TMEM9: variants seen among roughly 807,000 people sequenced by gnomAD.
TMEM9 encodes transmembrane protein 9, also known as proton-transporting V-type ATPase complex assembly regulator TMEM9.
TMEM9 carries 13 observed loss-of-function variants against 22.8 expected under a neutral mutation model. The observed-to-expected ratio is 0.57, with a 90% CI of 0.37 to 0.91. TMEM9 has a LOEUF of 0.91. Ranked by LOEUF, TMEM9 falls within the 40% of genes least tolerant of loss-of-function variation. The pLI, the probability that TMEM9 is intolerant of heterozygous loss-of-function variation, is 0.01. For missense variants in TMEM9, 182 were observed against 238.1 expected (o/e 0.76, Z 1.55); for synonymous variants, 88 against 93.0 (o/e 0.95, Z 0.31).
At chr1:201,145,604 T>A (rs1186895501) in intron 3 of TMEM9, 2 of 152,180 alleles carry the variant, frequency 1.3e-5, no homozygotes, top group South Asian at 2.1e-4. Context: ...TGAGAATTAT[T>A]TTCCAATGCT....
At chr1:201,149,551 C>T (rs753869894) in intron 2 of TMEM9, among the ~76,000 whole-genome samples, 1 of 152,104 alleles carries the variant, frequency 6.6e-6, no homozygotes, top group Admixed American at 6.5e-5. Context: ...GGGGTTTTTG[C>T]CTTTTTATGC....
chr1:201,155,831 T>C (rs1019811993), upstream of TMEM9, among the ~76,000 whole-genome samples: 4 of 152,088 alleles, frequency 2.6e-5, no homozygotes, highest in Non-Finnish European at 4.4e-5. Context: ...TTCAAGGTGG[T>C]TGTAGGGATA....
At chr1:201,165,150 T>TTACATATATATATATA (rs1666040406) in intron 1 of TMEM9, among the ~76,000 whole-genome samples, 3 of 87,076 alleles carry the variant, frequency 3.4e-5, no homozygotes, top group African/African-American at 1.1e-4. Context: ...TAAGAGAAAA[T>TTACATATATATATATA]TATATATATA....
chr1:201,154,864 C>G (rs1352396529), upstream of TMEM9, among the ~76,000 whole-genome samples: 5 of 152,150 alleles, frequency 3.3e-5, no homozygotes, highest in Non-Finnish European at 7.3e-5. Context: ...TAGGGATCCA[C>G]GTCTTTGCTG....
chr1:201,137,148 G>A (rs1310736160), intron 4 of TMEM9, among the ~76,000 whole-genome samples: 1 of 152,250 alleles, frequency 6.6e-6, no homozygotes, highest in African/African-American at 2.4e-5. Context: ...GCTAGGTGAG[G>A]CTCAGGCAAC....
At chr1:201,161,253 C>G (rs765054743) in intron 1 of TMEM9, among the ~76,000 whole-genome samples, 4 of 152,068 alleles carry the variant, frequency 2.6e-5, no homozygotes, top group Non-Finnish European at 5.9e-5. Context: ...TCTAACCTTC[C>G]GAAAACCCCA....
chr1:201,158,272 T>C (rs900281454), upstream of TMEM9, among the ~76,000 whole-genome samples: 48 of 152,214 alleles, frequency 3.2e-4, no homozygotes, highest in Admixed American at 2.4e-3. Context: ...GTCAGACTTA[T>C]GGCCTACAGA....
chr1:201,153,175 T>A (rs1361074835), intron 1 of TMEM9, among the ~76,000 whole-genome samples: 5 of 152,234 alleles, frequency 3.3e-5, no homozygotes, highest in Non-Finnish European at 5.9e-5. Flanking sequence ...GAACACATCA[T>A]TTATTTTCAC....
intron 2 of TMEM9, among the ~76,000 whole-genome samples, chr1:201,149,665 T>C (rs1394259822): frequency 1.3e-5 from 2 of 152,226 alleles, no homozygotes; most frequent in Non-Finnish European, 2.9e-5. Context: ...CAGATGATTC[T>C]GGCTTTACTC....
At chr1:201,166,164 T>A (rs1365560144) in intron 1 of TMEM9, among the ~76,000 whole-genome samples, 1 of 152,144 alleles carries the variant, frequency 6.6e-6, no homozygotes, top group African/African-American at 2.4e-5. Flanking sequence ...TGCTAATTTG[T>A]CCGTTGCTTT....
intron 1 of TMEM9, among the ~76,000 whole-genome samples, chr1:201,163,030 A>G (rs546453623): frequency 1.3e-5 from 2 of 152,350 alleles, no homozygotes; most frequent in East Asian, 1.9e-4. Flanking sequence ...TCATGCCTGT[A>G]ATCTTAGCAC....
chr1:201,165,179 T>TA (rs1666042592), intron 1 of TMEM9, among the ~76,000 whole-genome samples: 3 of 141,334 alleles, frequency 2.1e-5, no homozygotes, highest in Non-Finnish European at 3.1e-5. Context: ...TATATATATA[T>TA]TCATTATCAT....
exon 1 of TMEM9, chr1:201,171,520 G>C (rs1666210387): frequency 6.6e-6 from 1 of 152,236 alleles, no homozygotes; most frequent in African/African-American, 2.4e-5. Context: ...GGATCTGTGG[G>C]TGTTAGAGGC....
rs1464993585 is a variant in TMEM9 at position 201,154,120 on chromosome 1, C to T, written c.-197G>A. 1 of 626,984 alleles carries T rather than the reference C, an allele frequency of 1.6e-6. No homozygotes were observed. Among genetic ancestry groups the T allele is most frequent in the South Asian group, 2.0e-5 (1 of 49,036 alleles). 38.8% of individuals were successfully genotyped at this position (626,984 alleles called of 1,614,324 possible). A position where few individuals can be genotyped will look rare whatever the true frequency, so the allele number is the denominator to read the frequency against. ...GTCGCCAAACCCTGCTTCCCTCCCG[C>T]CCAACTCTCCGGCTCTCCGCCAGCC... is the stretch of plus-strand genomic sequence containing the variant. On this transcript the variant is annotated 5_prime_UTR_variant, in exon 1 of 5. Transcript: ENST00000367330.
chr1:201,158,746 T>A (rs1430414731), upstream of TMEM9, among the ~76,000 whole-genome samples: 1 of 152,166 alleles, frequency 6.6e-6, no homozygotes, highest in Non-Finnish European at 1.5e-5. Flanking sequence ...GACTTAGCCT[T>A]CATCCTGCCT....
At chr1:201,160,404 A>G (rs963359655) in intron 1 of TMEM9, among the ~76,000 whole-genome samples, 1 of 151,792 alleles carries the variant, frequency 6.6e-6, no homozygotes, top group African/African-American at 2.4e-5. Flanking sequence ...AGCCTGACCA[A>G]TATGGAGAAA....
chr1:201,140,326 C>T (rs1044199410), intron 4 of TMEM9, among the ~76,000 whole-genome samples: 2 of 152,234 alleles, frequency 1.3e-5, no homozygotes, highest in Non-Finnish European at 2.9e-5. Context: ...AAAGAGGGCC[C>T]AACCTGCACA....
At chr1:201,148,560 G>A (rs774612330) in intron 2 of TMEM9, among the ~76,000 whole-genome samples, 1 of 152,336 alleles carries the variant, frequency 6.6e-6, no homozygotes, top group Middle Eastern at 3.4e-3. Context: ...TTGAGATAAA[G>A]CGGTTGCACC....
Position 201,146,855 on chromosome 1 carries a change from CAGAG to C in TMEM9, c.159-11_159-8del, listed in dbSNP as rs746706183. 14 of 1,613,424 alleles carry C rather than the reference CAGAG, an allele frequency of 8.7e-6. No homozygotes were observed. In the African/African-American group the frequency reaches 1.6e-4, roughly 18 times the overall value. On this transcript the variant is annotated splice_polypyrimidine_tract_variant and splice_region_variant and intron_variant, in intron 2 of 4. Coordinates refer to ENST00000367330, the MANE Select transcript of TMEM9 (RefSeq NM_001288565.2). ...CACCACGTGCAGGCAGTTGCTACAA[CAGAG>C]AGAGACAGGGCTGTCGAGGCAGGGC...
Sources: allele counts gnomAD v4.1 joint callset (sites outside exome capture counted in the v4.1 genomes callset), GRCh38; gene constraint gnomAD v4.1.1; transcripts MANE v1.5; gene names NCBI Gene and HGNC (gene_info 2026-07-23, HGNC 2026-07-21).